The following RFX7 variants were observed in gnomAD, a reference collection of about 807,000 sequenced individuals.
RFX7 encodes DNA-binding protein RFX7.
RFX7 carries 26 observed loss-of-function variants against 111.8 expected under a neutral mutation model. The ratio of observed to expected loss-of-function variants is 0.23; its 90% CI spans 0.17 to 0.32. The LOEUF (loss-of-function observed/expected upper bound fraction) is 0.32. RFX7 is among the 10% of genes least tolerant of loss of function. The pLI is 1.00. For missense variants in RFX7, 1,573 were observed against 1,772.9 expected, an observed-to-expected ratio of 0.89 and a Z score of 2.02; for synonymous variants, 624 against 624.4, an observed-to-expected ratio of 1.00 and a Z score of 0.01.
At chr15:56,137,264 A>C (rs2042317087) in intron 5 of RFX7, among the ~76,000 whole-genome samples, 1 of 152,084 alleles carries the variant, frequency 6.6e-6, no homozygotes. Context: ...TTTGGTTGGT[A>C]AGCTATTGAT....
intron 2 of RFX7, among the ~76,000 whole-genome samples, chr15:56,183,539 T>C (rs1249532090): frequency 2.0e-5 from 3 of 152,138 alleles, no homozygotes; most frequent in Non-Finnish European, 4.4e-5. Context: ...GCTTGAATCT[T>C]TTTCTGGGCC....
intron 2 of RFX7, among the ~76,000 whole-genome samples, chr15:56,242,479 G>A (rs117683028): frequency 2.4e-4 from 36 of 152,016 alleles, no homozygotes; most frequent in African/African-American, 8.2e-4. Flanking sequence ...CAAGACATTT[G>A]ATTCCCTATA....
rs535330225 is a variant in RFX7 at position 56,150,271 on chromosome 15, G to T, written c.196-5788C>A. 9.8e-5 allele frequency among the ~76,000 whole-genome samples: 15 copies of T among 152,340 alleles called. 1 individual carries two copies. The highest frequency in any genetic ancestry group is 3.4e-4 in the African/African-American group (14 of 41,584). On this transcript the variant is annotated intron_variant, in intron 3 of 9. Coordinates refer to ENST00000559447, the MANE Select transcript of RFX7 (RefSeq NM_022841.7). ...AACATCCCTGCCTGATGGCTCTGAA[G>T]AGAGCAGCAGAACTCCCAGTGCAGC...
intron 5 of RFX7, among the ~76,000 whole-genome samples, chr15:56,111,661 CAAAA>C (rs371681721): frequency 4.2e-5 from 4 of 95,578 alleles, no homozygotes; most frequent in African/African-American, 1.2e-4. Flanking sequence ...ATAAATAAAC[CAAAA>C]AAAAAAAAAA....
rs1405326934 is a variant in RFX7, at chr15:56,088,741, G to C, written c.*4604C>G. The C allele has an allele frequency of 6.6e-6, 1 of 152,144 alleles. No homozygotes were observed. The highest frequency in any genetic ancestry group is 6.5e-5 in the Admixed American group (1 of 15,276). 9.4% of individuals were successfully genotyped at this position (152,144 alleles called of 1,614,324 possible). A position where few individuals can be genotyped will look rare whatever the true frequency, so the allele number is the denominator to read the frequency against. ...TTTGGTCTTTTCTTATGCTGTAGGAGCTGAGGCAACTTGCATTTGTGATAC... is the reference window on the plus strand; with the variant it reads ...TTTGGTCTTTTCTTATGCTGTAGGACCTGAGGCAACTTGCATTTGTGATAC... On this transcript the variant is annotated 3_prime_UTR_variant, in exon 10 of 10. Transcript: ENST00000559447.
At chr15:56,147,578 AT>A (rs58457356) in intron 3 of RFX7, among the ~76,000 whole-genome samples, 19,640 of 148,068 alleles carry the variant, frequency 0.13, 1,616 homozygotes, top group East Asian at 0.44. Flanking sequence ...AAAAAATCTA[AT>A]TTTTTTTTTT....
chr15:56,240,937 C>T (rs1190235406), intron 2 of RFX7, among the ~76,000 whole-genome samples: 4 of 151,934 alleles, frequency 2.6e-5, no homozygotes, highest in Non-Finnish European at 1.5e-5. Context: ...TTTACATAGT[C>T]ACTTGATGAA....
At chr15:56,177,090 G>C (rs756367703) in intron 3 of RFX7, among the ~76,000 whole-genome samples, 3 of 152,116 alleles carry the variant, frequency 2.0e-5, no homozygotes, top group Non-Finnish European at 2.9e-5. Flanking sequence ...CCTTCCGTAA[G>C]TTCCAGCATA....
At position 56,095,545 on chromosome 15, in the gene RFX7, G is replaced by T. The variant is rs1177297325; in HGVS notation, c.2183C>A (p.Ala728Glu). ...GGCAGAGGAATTCAAGGGTTGATTT[G>T]CTCCTATGTGTGAACTGACATTTAC... Reference protein sequence around the residue: ...VSVNVSSHIGANQPLNSSALV... With the variant: ...VSVNVSSHIGENQPLNSSALV... Residue 728 changes from alanine (A) to glutamate (E), a missense_variant, in exon 10 of 10, where the codon GCA becomes GAA. By Grantham distance (107) the Ala-to-Glu change is moderately radical (BLOSUM62 -1). Transcript: ENST00000559447. The T allele has an allele frequency of 6.2e-7, 1 of 1,613,804 alleles. No homozygotes were observed. The highest frequency in any genetic ancestry group is 8.5e-7 in the Non-Finnish European group (1 of 1,179,850).
At chr15:56,178,533 A>C (rs2042929059) in intron 3 of RFX7, among the ~76,000 whole-genome samples, 1 of 152,082 alleles carries the variant, frequency 6.6e-6, no homozygotes, top group Non-Finnish European at 1.5e-5. Context: ...AACTAACTAT[A>C]CTGACAATTT....
At chr15:56,167,290 G>A (rs1283537000) in intron 3 of RFX7, among the ~76,000 whole-genome samples, 2 of 152,090 alleles carry the variant, frequency 1.3e-5, no homozygotes, top group Non-Finnish European at 2.9e-5. Context: ...TCCAAACTGG[G>A]TGACAGAGTG....
chr15:56,224,695 T>G (rs1413006520), intron 2 of RFX7, among the ~76,000 whole-genome samples: 6 of 152,154 alleles, frequency 3.9e-5, no homozygotes, highest in East Asian at 3.8e-4. Context: ...TAAGTTTTTT[T>G]GGGGGTTTTC....
At chr15:56,129,794 T>C (rs1567019526) in intron 5 of RFX7, among the ~76,000 whole-genome samples, 1 of 152,218 alleles carries the variant, frequency 6.6e-6, no homozygotes, top group Non-Finnish European at 1.5e-5. Flanking sequence ...TCTGGCATTA[T>C]CATGGTTTTG....
In RFX7 at chr15:56,164,482, A is replaced by AAGATGG. The variant is rs2042760711; in HGVS notation, c.195+14782_195+14787dup. Among the ~76,000 whole-genome samples the AAGATGG allele has an allele frequency of 2.6e-5, 4 of 152,332 alleles. No homozygotes were observed. The South Asian group carries it at 6.2e-4, about 24-fold the overall frequency. ...CATACCAATAAGATTCCATTAAGCCAAGATGGAGATGAGACTAGGAAGGTT... is the reference window on the plus strand; with the variant it reads ...CATACCAATAAGATTCCATTAAGCCAAGATGGAGATGGAGATGAGACTAGGAAGGTT... On this transcript the variant is annotated intron_variant, in intron 3 of 9. Coordinates refer to ENST00000559447, the MANE Select transcript of RFX7 (RefSeq NM_022841.7).
intron 2 of RFX7, among the ~76,000 whole-genome samples, chr15:56,214,532 G>A (rs1485695009): frequency 1.3e-5 from 2 of 151,702 alleles, no homozygotes; most frequent in Non-Finnish European, 2.9e-5. Flanking sequence ...TGGTTAACAT[G>A]GTGAAACCCC....
rs183810063 is a variant in RFX7, at chr15:56,114,284, G to A, written c.402-10614C>T. ...AAATTAACTGGGCATGGTGGTGGGC[G>A]CCTGTAATCCCAGTTACTTGGGAGG... is the stretch of plus-strand genomic sequence containing the variant. On this transcript the variant is annotated intron_variant, in intron 5 of 9. Coordinates refer to ENST00000559447, the MANE Select transcript of RFX7 (RefSeq NM_022841.7). Among the ~76,000 whole-genome samples the A allele has an allele frequency of 2.7e-3, 407 of 151,636 alleles. 2 individuals are homozygous for A. The highest frequency in any genetic ancestry group is 8.6e-3 in the African/African-American group (357 of 41,362).
rs527955790 is a variant in RFX7, at chr15:56,222,279, T to C, written c.161+20846A>G. Among the ~76,000 whole-genome samples, 8 of 152,276 alleles carry C rather than the reference T, an allele frequency of 5.3e-5. No homozygotes were observed. The South Asian group carries it at 1.7e-3, about 32-fold the overall frequency. ...CACGTATCTTCCCCATTCCTGCCCC[T>C]CTAGCTGTCTTTAAGATGCTCTCTT... On this transcript the variant is annotated intron_variant, in intron 2 of 9. Transcript: ENST00000559447.
At chr15:56,163,382 G>A (rs1595979764) in intron 3 of RFX7, among the ~76,000 whole-genome samples, 2 of 152,140 alleles carry the variant, frequency 1.3e-5, no homozygotes, top group Admixed American at 1.3e-4. Context: ...CACTTTAGCA[G>A]TAAGTAAATG....
intron 5 of RFX7, among the ~76,000 whole-genome samples, chr15:56,115,490 C>G (rs375383595): frequency 5.5e-4 from 83 of 152,252 alleles, no homozygotes; most frequent in Non-Finnish European, 9.7e-4. Flanking sequence ...TAAAAAATGA[C>G]TATTCTTTTG....
Sources: gnomAD v4.1 joint callset for allele counts (sites outside exome capture counted in the v4.1 genomes callset) on GRCh38, gnomAD v4.1.1 for gene constraint, MANE v1.5 for transcripts, NCBI Gene and HGNC (gene_info 2026-07-23, HGNC 2026-07-21) for gene names.